The following GLB1L2 variants were observed in gnomAD, a reference collection of about 807,000 sequenced individuals.
GLB1L2 encodes beta-galactosidase-1-like protein 2.
GLB1L2 carries 68 observed loss-of-function variants against 84.1 expected under a neutral mutation model. That is an observed-to-expected ratio of 0.81 (90% CI 0.67 to 0.99). GLB1L2 has a LOEUF of 0.99. Ranked by LOEUF, GLB1L2 falls within the 50% of genes least tolerant of loss-of-function variation. The probability of loss-of-function intolerance (pLI) is 0.00; values close to 1 mark genes in which losing one functional copy is unlikely to be tolerated. For synonymous variants in GLB1L2, 290 were observed against 318.0 expected (o/e 0.91, Z 0.94); for missense variants, 762 against 805.6 (o/e 0.95, Z 0.66).
At chr11:134,362,019 T>C (rs2136281641) in intron 7 of GLB1L2, among the ~76,000 whole-genome samples, 1 of 152,320 alleles carries the variant, frequency 6.6e-6, no homozygotes, top group South Asian at 2.1e-4. Flanking sequence ...GTGCGGGTTG[T>C]GCGTGTCTTT....
chr11:134,349,956 C>T (rs78612862), intron 5 of GLB1L2, among the ~76,000 whole-genome samples: 9,175 of 152,158 alleles, frequency 0.06, 383 homozygotes, highest in African/African-American at 0.11. Context: ...ACTCTGCCGG[C>T]GCCCTTTCCT....
rs199656925 is a variant in GLB1L2 at position 134,367,250 on chromosome 11, T to C, written c.805-7T>C. On this transcript the variant is annotated splice_polypyrimidine_tract_variant and splice_region_variant and intron_variant, in intron 8 of 18. Coordinates refer to ENST00000535456, the MANE Select transcript of GLB1L2 (RefSeq NM_001370461.1). Reference sequence around the variant, plus strand: ...TGCTTGTCTAACTCTCATTTTGTGGTGTCCAGGGGACTCAGCCCAAGATGG... The same window carrying C: ...TGCTTGTCTAACTCTCATTTTGTGGCGTCCAGGGGACTCAGCCCAAGATGG... 6.2e-7 allele frequency: 1 copy of C among 1,613,046 alleles called. No individual in the cohort carries two copies. Among genetic ancestry groups the C allele is most frequent in the Non-Finnish European group, 8.5e-7 (1 of 1,179,084 alleles).
chr11:134,341,734 G>A (rs1591610680), intron 1 of GLB1L2, among the ~76,000 whole-genome samples: 1 of 152,318 alleles, frequency 6.6e-6, no homozygotes, highest in Non-Finnish European at 1.5e-5. Context: ...ATTCCCAAGA[G>A]GCTGGCGATG....
chr11:134,347,369 A>C lies in GLB1L2; in HGVS notation c.494A>C (p.Lys165Thr), dbSNP rs774623855. 6.2e-7 allele frequency: 1 copy of C among 1,614,180 alleles called. No homozygotes were observed. Among genetic ancestry groups the C allele is most frequent in the Non-Finnish European group, 8.5e-7 (1 of 1,180,012 alleles). ...GGCATGAGGCTGAGGACAACTTACA[A>C]GGGCTTCACCGAAGCAGTGGACCTT... ...DPGMRLRTTYKGFTEAVDLYF... is the reference protein window; with the variant it reads ...DPGMRLRTTYTGFTEAVDLYF... Residue 165 changes from lysine to threonine, a missense_variant, in exon 5 of 19, where the codon AAG becomes ACG. By Grantham distance (78) the Lys-to-Thr change is moderately conservative. This residue lies in a region of GLB1L2 where 603 missense variants were observed against 611.7 expected (regional missense o/e 0.99). Coordinates refer to ENST00000535456, the MANE Select transcript of GLB1L2 (RefSeq NM_001370461.1).
intron 11 of GLB1L2, 109 bp downstream of exon 11, chr11:134,369,994 G>C: frequency 1.1e-6 from 1 of 893,384 alleles, no homozygotes; most frequent in South Asian, 1.5e-5. Flanking sequence ...GTTGATCTGC[G>C]TGCAAGAATA....
chr11:134,358,327 G>T (rs920273257), intron 6 of GLB1L2, among the ~76,000 whole-genome samples: 1 of 152,242 alleles, frequency 6.6e-6, no homozygotes, highest in Non-Finnish European at 1.5e-5. Context: ...TCACGCCTCC[G>T]AGGCGCGTCT....
chr11:134,354,963 C>T lies in GLB1L2; in HGVS notation c.559-1338C>T, dbSNP rs372970468. Among the ~76,000 whole-genome samples the T allele has an allele frequency of 5.9e-5, 9 of 152,106 alleles. No homozygotes were observed. The East Asian group carries it at 1.6e-3, about 26-fold the overall frequency. On this transcript the variant is annotated intron_variant, in intron 5 of 18. Transcript: ENST00000535456. The stretch of plus-strand genomic sequence containing the variant: ...TTATCTCTCTTTTTCTTCTAAGAAA[C>T]CCATAATTCATATATTATTCTGCTT...
At chr11:134,350,205 T>G (rs112655881) in intron 5 of GLB1L2, among the ~76,000 whole-genome samples, 134 of 152,274 alleles carry the variant, frequency 8.8e-4, no homozygotes, top group African/African-American at 3.0e-3. Flanking sequence ...GGAATTGCGG[T>G]CTTTGTGTCC....
rs781367414 is a variant in GLB1L2, at chr11:134,368,698, A to G, written c.944A>G (p.Tyr315Cys). 5.0e-6 allele frequency: 8 copies of G among 1,613,858 alleles called. No homozygotes were observed. In the South Asian group the frequency reaches 6.6e-5, roughly 13 times the overall value. Residue 315 changes from tyrosine (Y) to cysteine (C), a missense_variant, in exon 10 of 19, where the codon TAC (tyrosine) becomes TGC (cysteine). Tyr to Cys is a radical substitution (Grantham distance 194). Around this residue, in one of 3 missense-constraint regions of GLB1L2, gnomAD observed 603 missense variants for 611.7 expected, o/e 0.99. Transcript: ENST00000535456. ...IVDAGSSINL[Y>C]MFHGGTNFGF... ...GACGCCGGCTCCTCCATCAACCTCT[A>G]CATGTTCCACGGAGGCACCAACTTT... is the stretch of plus-strand genomic sequence containing the variant.
chr11:134,371,374 C>T (rs751107319), intron 13 of GLB1L2, 47 bp from the exon 14 acceptor site: 2 of 1,281,286 alleles, frequency 1.6e-6, no homozygotes, highest in Non-Finnish European at 2.3e-6. Flanking sequence ...GTCCCGCTTA[C>T]CCTCCTCCTG....
chr11:134,372,211 A>ACACTGAAGT (rs1943963627), intron 15 of GLB1L2, among the ~76,000 whole-genome samples: 2 of 152,196 alleles, frequency 1.3e-5, no homozygotes, highest in African/African-American at 4.8e-5. Flanking sequence ...TTGGGCCTCC[A>ACACTGAAGT]CACTGAAGTT....
At chr11:134,355,937 G>C (rs1465606693) in intron 5 of GLB1L2, 7 of 457,542 alleles carry the variant, frequency 1.5e-5, no homozygotes, top group South Asian at 1.1e-4. Flanking sequence ...GAGTTGGGAC[G>C]CATCCTCCTG....
In GLB1L2 at chr11:134,334,557, T is replaced by C. The variant is rs1270038722; in HGVS notation, c.86+2410T>C. Among the ~76,000 whole-genome samples, 1 of 152,080 alleles carries C rather than the reference T, an allele frequency of 6.6e-6. No homozygotes were observed. The highest frequency in any genetic ancestry group is 1.5e-5 in the Non-Finnish European group (1 of 68,028). ...ACAATTTGATAAGCTTTGACACATA[T>C]CTAAATCCAGCTGTGAATCTATCAC... On this transcript the variant is annotated intron_variant, in intron 1 of 18. Coordinates refer to ENST00000535456, the MANE Select transcript of GLB1L2 (RefSeq NM_001370461.1). This position sits in a 1 kb window ranked among gnomAD's most constrained non-coding sequence, Gnocchi z 4.1.
At chr11:134,367,899 C>T (rs1943886373) in intron 9 of GLB1L2, among the ~76,000 whole-genome samples, 1 of 152,218 alleles carries the variant, frequency 6.6e-6, no homozygotes, top group African/African-American at 2.4e-5. Flanking sequence ...CTGTTAAGCG[C>T]ACGCCATCCC....
chr11:134,367,737 C>T (rs1943884407), intron 9 of GLB1L2, among the ~76,000 whole-genome samples: 2 of 152,216 alleles, frequency 1.3e-5, no homozygotes, highest in African/African-American at 4.8e-5. Context: ...TCACACTCCG[C>T]TGCATGTCAC....
In GLB1L2 at chr11:134,342,767, A is replaced by G. The variant is rs1365673011; in HGVS notation, c.100A>G (p.Thr34Ala). 1.2e-6 allele frequency: 2 copies of G among 1,613,662 alleles called. No homozygotes were observed. The highest frequency in any genetic ancestry group is 2.7e-5 in the African/African-American group (2 of 74,924). ...TTGTCTTTCCAGGCTGGACTGGAGC[A>G]CCCTGGTCCCTCTGCGGCTCCGCCA... is the stretch of plus-strand genomic sequence containing the variant. Reference protein sequence around the residue: ...FLVLRRLDWSTLVPLRLRHRQ... With the variant: ...FLVLRRLDWSALVPLRLRHRQ... The change falls in exon 2 of 19, where the codon ACC becomes GCC. Residue 34 changes from threonine (T) to alanine (A), a missense_variant. By Grantham distance (58) the Thr-to-Ala change is moderately conservative. Transcript: ENST00000535456.
At chr11:134,349,529 C>T (rs1943596830) in intron 5 of GLB1L2, among the ~76,000 whole-genome samples, 1 of 152,208 alleles carries the variant, frequency 6.6e-6, no homozygotes, top group Admixed American at 6.5e-5. Context: ...CCGTTTTCCA[C>T]AGAAGTTGCA....
intron 7 of GLB1L2, 75 bp from the exon 8 acceptor site, chr11:134,364,253 G>A: frequency 9.1e-7 from 1 of 1,102,988 alleles, no homozygotes; most frequent in Non-Finnish European, 1.3e-6. Context: ...GGATTGAGAA[G>A]GGTCTGGGGT....
intron 1 of GLB1L2, 38 bp downstream of exon 1, chr11:134,332,185 C>T: frequency 7.1e-7 from 1 of 1,398,878 alleles, no homozygotes; most frequent in Non-Finnish European, 9.7e-7. Context: ...CCGGACCCCA[C>T]ATTCCCCAGC....
Sources: allele counts gnomAD v4.1 joint callset (sites outside exome capture counted in the v4.1 genomes callset), GRCh38; gene constraint gnomAD v4.1.1; regional missense constraint gnomAD v4.1.1; non-coding constraint Gnocchi (gnomAD v3.1); transcripts MANE v1.5; gene names NCBI Gene and HGNC (gene_info 2026-07-23, HGNC 2026-07-21).